ERCC8: variants seen among roughly 807,000 people sequenced by gnomAD.
The protein encoded by ERCC8 is ERCC excision repair 8, CSA ubiquitin ligase complex subunit.
In ERCC8, 52 loss-of-function variants were observed where a neutral mutation model predicts 54.9. The ratio of observed to expected loss-of-function variants is 0.95; its 90% CI spans 0.76 to 1.19. The LOEUF (loss-of-function observed/expected upper bound fraction) is 1.19, where lower values mean the gene tolerates loss of function less well. Ranked by LOEUF, ERCC8 falls within the 50% of genes most tolerant of loss-of-function variation. The pLI, the probability that ERCC8 is intolerant of heterozygous loss-of-function variation, is 0.00. For missense variants in ERCC8, 514 were observed against 466.1 expected (o/e 1.10, Z -0.95); for synonymous variants, 146 against 157.2 (o/e 0.93, Z 0.53).
chr5:60,905,895 T>C (rs1484800989), intron 4 of ERCC8, among the ~76,000 whole-genome samples: 1 of 152,054 alleles, frequency 6.6e-6, no homozygotes, highest in Non-Finnish European at 1.5e-5. Context: ...AGATGATGAA[T>C]AGATGCTTGC....
rs553767125 is a variant in ERCC8, at chr5:60,871,137, A to C, written c.*3478T>G. Among the ~76,000 whole-genome samples, 2 of 152,360 alleles carry C rather than the reference A, an allele frequency of 1.3e-5. No homozygotes were observed. Among genetic ancestry groups the C allele is most frequent in the Admixed American group, 1.3e-4 (2 of 15,304 alleles). On this transcript the variant is annotated 3_prime_UTR_variant, in exon 12 of 12. Transcript: ENST00000676185. Reference sequence around the variant, plus strand: ...GGGAAAAAAAAGATGATATTCAACAACTAAATTGTACAAATTGTACACCAA... The same window carrying C: ...GGGAAAAAAAAGATGATATTCAACACCTAAATTGTACAAATTGTACACCAA...
At chr5:60,907,718 A>G (rs968394843) in intron 4 of ERCC8, among the ~76,000 whole-genome samples, 4 of 152,190 alleles carry the variant, frequency 2.6e-5, no homozygotes, top group Non-Finnish European at 2.9e-5. Context: ...ACTACAAGTG[A>G]AAGTCTTTTT....
intron 2 of ERCC8, among the ~76,000 whole-genome samples, chr5:60,928,437 G>A (rs1351185130): frequency 6.6e-6 from 1 of 152,116 alleles, no homozygotes; most frequent in African/African-American, 2.4e-5. Flanking sequence ...TTAGGTAAGG[G>A]TAAAGCCAGG....
In ERCC8 at chr5:60,922,060, A is replaced by G; in HGVS notation, c.269T>C (p.Ile90Thr). 3 of 1,600,030 alleles carry G rather than the reference A, an allele frequency of 1.9e-6. No individual in the cohort carries two copies. The highest frequency in any genetic ancestry group is 1.1e-5 in the South Asian group (1 of 89,982). ...TTACATTTTAAATACATACCTGCCAATGGAACACACTGCTTTACATGTGTA... is the reference window on the plus strand; with the variant it reads ...TTACATTTTAAATACATACCTGCCAGTGGAACACACTGCTTTACATGTGTA... The part of the protein sequence containing the change: ...SYYTCKAVCS[I>T]GRDHPDVHRY... The change falls in exon 3 of 12, where the codon ATT becomes ACT. Residue 90 changes from isoleucine to threonine, a missense_variant. Transcript: ENST00000676185.
At chr5:60,888,676 T>C (rs1188864282) in intron 10 of ERCC8, among the ~76,000 whole-genome samples, 1 of 152,202 alleles carries the variant, frequency 6.6e-6, no homozygotes, top group Non-Finnish European at 1.5e-5. Flanking sequence ...GCAATTAGAT[T>C]TTCTTAAAAA....
Position 60,904,628 on chromosome 5 carries a change from GTGTGTGTATATATATATA to G in ERCC8, c.481+146_481+163del, listed in dbSNP as rs1431466052. Among the ~76,000 whole-genome samples the G allele has an allele frequency of 6.1e-3, 415 of 67,800 alleles. 15 individuals carry two copies. Among genetic ancestry groups the G allele is most frequent in the Admixed American group, 0.014 (80 of 5,740 alleles). The allele number at this position is 67,800 out of a possible 152,430, so 44.5% of individuals were successfully genotyped here. A position where few individuals can be genotyped will look rare whatever the true frequency, so the allele number is the denominator to read the frequency against. On this transcript the variant is annotated intron_variant, in intron 5 of 11. Coordinates refer to ENST00000676185, the MANE Select transcript of ERCC8 (RefSeq NM_000082.4). ...TATCTGTTGAATATATATAGTGTGT[GTGTGTGTATATATATATA>G]TATATATATATATATATATATATAT...
At chr5:60,901,886 T>G (rs1223024392) in intron 7 of ERCC8, among the ~76,000 whole-genome samples, 1 of 152,076 alleles carries the variant, frequency 6.6e-6, no homozygotes, top group Admixed American at 6.6e-5. Context: ...TAAGTGATCC[T>G]GCTTTCTTTT....
At chr5:60,901,225 CA>C (rs1361346473) in intron 7 of ERCC8, among the ~76,000 whole-genome samples, 1 of 152,040 alleles carries the variant, frequency 6.6e-6, no homozygotes, top group East Asian at 1.9e-4. Flanking sequence ...ACTTCTACTT[CA>C]TTAGATCCTT....
intron 1 of ERCC8, among the ~76,000 whole-genome samples, chr5:60,930,935 C>G (rs952346003): frequency 6.6e-6 from 1 of 151,904 alleles, no homozygotes; most frequent in Non-Finnish European, 1.5e-5. Flanking sequence ...GGTGAAACCC[C>G]GTCTCTACTA....
Position 60,903,711 on chromosome 5 carries a change from T to C in ERCC8, c.487A>G (p.Thr163Ala). 6.2e-7 allele frequency: 1 copy of C among 1,612,466 alleles called. No homozygotes were observed. The highest frequency in any genetic ancestry group is 8.5e-7 in the Non-Finnish European group (1 of 1,179,170). The change falls in exon 6 of 12, where the codon ACT (threonine) becomes GCT (alanine). Residue 163 changes from threonine to alanine, a missense_variant. Coordinates refer to ENST00000676185, the MANE Select transcript of ERCC8 (RefSeq NM_000082.4). Reference sequence around the variant, plus strand: ...CAAAGTTGTACTTTGGGTCCTCTAGTACCAACTGTAAAAACAGAACCGGTT... The same window carrying C: ...CAAAGTTGTACTTTGGGTCCTCTAGCACCAACTGTAAAAACAGAACCGGTT... Reference protein sequence around the residue: ...STKHCLVAVGTRGPKVQLCDL... With the variant: ...STKHCLVAVGARGPKVQLCDL...
At chr5:60,893,516 G>A (rs528208612) in intron 9 of ERCC8, 38 of 808,138 alleles carry the variant, frequency 4.7e-5, no homozygotes, top group Middle Eastern at 2.7e-4. Context: ...TTGTTTTGCA[G>A]GCTTCTTACA....
intron 2 of ERCC8, among the ~76,000 whole-genome samples, chr5:60,926,152 C>A (rs1052623387): frequency 1.3e-5 from 2 of 152,150 alleles, no homozygotes; most frequent in African/African-American, 2.4e-5. Context: ...GGCACCCAAA[C>A]TACAGTTTTT....
chr5:60,899,689 G>A lies in ERCC8; in HGVS notation c.656C>T (p.Ala219Val), dbSNP rs780673930. Residue 219 changes from alanine (A) to valine (V), a missense_variant, in exon 8 of 12, where the codon GCA becomes GTA. Transcript: ENST00000676185. ...SRVKLWDVRR[A>V]SGCLITLDQH... ...ATCAAGAGTAATCAAACATCCTGATGCTCTTCTCACATCCCATAATTTTAC... is the reference window on the plus strand; with the variant it reads ...ATCAAGAGTAATCAAACATCCTGATACTCTTCTCACATCCCATAATTTTAC... 9 of 1,612,194 alleles carry A rather than the reference G, an allele frequency of 5.6e-6. No individual in the cohort carries two copies. The East Asian group carries it at 2.0e-4, about 36-fold the overall frequency.
intron 1 of ERCC8, among the ~76,000 whole-genome samples, chr5:60,941,690 A>C (rs532651234): frequency 6.6e-6 from 1 of 152,190 alleles, no homozygotes; most frequent in Non-Finnish European, 1.5e-5. Flanking sequence ...ATGATAAATT[A>C]CCTATAGGAA....
rs1747761115 is a variant in ERCC8 at position 60,866,911 on chromosome 5, C to G, written c.*7704G>C. The G allele has an allele frequency of 6.6e-6, 1 of 152,010 alleles. No individual in the cohort carries two copies. Among genetic ancestry groups the G allele is most frequent in the African/African-American group, 2.4e-5 (1 of 41,392 alleles). 9.4% of individuals were successfully genotyped at this position (152,010 alleles called of 1,614,324 possible). On this transcript the variant is annotated 3_prime_UTR_variant, in exon 12 of 12. Transcript: ENST00000676185. ...CCAGGCCGGAGTGCAGTGGCGCAATCTCGGCTTACTGCAAGCGCTGCCTCC... is the reference window on the plus strand; with the variant it reads ...CCAGGCCGGAGTGCAGTGGCGCAATGTCGGCTTACTGCAAGCGCTGCCTCC...
chr5:60,899,112 T>C (rs1748801833), intron 8 of ERCC8, among the ~76,000 whole-genome samples: 1 of 151,574 alleles, frequency 6.6e-6, no homozygotes, highest in South Asian at 2.1e-4. Flanking sequence ...AAAACAATTA[T>C]AGGTTTTATA....
chr5:60,944,918 A>C lies in ERCC8; in HGVS notation c.77+14T>G, dbSNP rs1040270419. On this transcript the variant is annotated intron_variant, in intron 1 of 11. Coordinates refer to ENST00000676185, the MANE Select transcript of ERCC8 (RefSeq NM_000082.4). ...CTAACTGGCCTGTTAGCCAAAAAGT[A>C]AGGTTTTCTTTACCTCCGTGTTGAC... 2.0e-5 allele frequency: 32 copies of C among 1,606,712 alleles called. No homozygotes were observed. Among genetic ancestry groups the C allele is most frequent in the Non-Finnish European group, 2.6e-5 (30 of 1,173,342 alleles).
At position 60,919,229 on chromosome 5, in the gene ERCC8, G is replaced by A. The variant is rs79422128; in HGVS notation, c.276-841C>T. 2.4e-3 allele frequency: 362 copies of A among 152,068 alleles called. 2 individuals are homozygous for A. The highest frequency in any genetic ancestry group is 8.4e-3 in the African/African-American group (347 of 41,512). The allele number at this position is 152,068 out of a possible 1,614,324, so 9.4% of individuals were successfully genotyped here. A position where few individuals can be genotyped will look rare whatever the true frequency, so the allele number is the denominator to read the frequency against. The stretch of plus-strand genomic sequence containing the variant: ...ATTATGAATAAACGATAGGTTGTTC[G>A]AGATTTGCTTCAACATAATTATGAG... On this transcript the variant is annotated intron_variant, in intron 3 of 11. Coordinates refer to ENST00000676185, the MANE Select transcript of ERCC8 (RefSeq NM_000082.4).
intron 1 of ERCC8, among the ~76,000 whole-genome samples, chr5:60,934,523 T>C (rs6894736): frequency 0.047 from 7,183 of 152,326 alleles, 572 homozygotes; most frequent in African/African-American, 0.16. Flanking sequence ...ACTCTGTGGG[T>C]TGTCTGTTTA....
Sources: gnomAD v4.1 joint callset for allele counts (sites outside exome capture counted in the v4.1 genomes callset) on GRCh38, gnomAD v4.1.1 for gene constraint, MANE v1.5 for transcripts, NCBI Gene and HGNC (gene_info 2026-07-23, HGNC 2026-07-21) for gene names.